The following GPC5 variants were observed in gnomAD, a reference collection of about 807,000 sequenced individuals.
GPC5 encodes the protein glypican 5.
A neutral mutation model predicts 53.9 loss-of-function variants in GPC5; 47 were observed. That is an observed-to-expected ratio of 0.87 (90% confidence interval 0.69 to 1.11). GPC5 has a LOEUF of 1.11. Ranked by LOEUF, GPC5 falls within the 50% of genes most tolerant of loss-of-function variation. The probability of loss-of-function intolerance (pLI) is 0.00; values close to 1 mark genes in which losing one functional copy is unlikely to be tolerated. For missense variants in GPC5, 748 were observed against 713.1 expected (o/e 1.05, Z -0.56); for synonymous variants, 286 against 263.3 (o/e 1.09, Z -0.84).
chr13:92,623,748 T>TA (rs539800146), intron 7 of GPC5, among the ~76,000 whole-genome samples: 2,651 of 148,784 alleles, frequency 0.018, 40 homozygotes, highest in Admixed American at 0.059. Context: ...GTTTTCAAAT[T>TA]AAAAAAAAAA....
At chr13:92,669,179 T>C (rs1933188) in intron 7 of GPC5, among the ~76,000 whole-genome samples, 99,773 of 151,998 alleles carry the variant, frequency 0.66, 33,009 homozygotes, top group South Asian at 0.74. Context: ...AGGGGTTTCA[T>C]TTCTGTATGT....
chr13:92,500,352 C>T (rs1880136380), intron 7 of GPC5, among the ~76,000 whole-genome samples: 1 of 152,080 alleles, frequency 6.6e-6, no homozygotes, highest in Non-Finnish European at 1.5e-5. Context: ...GTATTCAGCA[C>T]ACAATAAATG....
intron 2 of GPC5, among the ~76,000 whole-genome samples, chr13:91,602,801 C>A (rs2033221716): frequency 6.6e-6 from 1 of 152,056 alleles, no homozygotes; most frequent in African/African-American, 2.4e-5. Context: ...AGAAATCACC[C>A]TTTGTGATTA....
intron 7 of GPC5, among the ~76,000 whole-genome samples, chr13:92,212,062 T>C (rs1459460514): frequency 7.0e-6 from 1 of 142,506 alleles, no homozygotes; most frequent in Admixed American, 7.2e-5. Context: ...CCGCAGGTGG[T>C]AAGTGCCACA....
At chr13:92,756,336 T>A (rs1317575403) in intron 7 of GPC5, among the ~76,000 whole-genome samples, 2 of 151,524 alleles carry the variant, frequency 1.3e-5, no homozygotes, top group East Asian at 4.0e-4. Flanking sequence ...TATTTAAAAA[T>A]AATAAGAGCT....
chr13:92,343,136 A>G (rs1040032901), intron 7 of GPC5, among the ~76,000 whole-genome samples: 4 of 152,174 alleles, frequency 2.6e-5, no homozygotes, highest in Non-Finnish European at 4.4e-5. Context: ...TTATTTCTAA[A>G]TAACAAGATA....
intron 7 of GPC5, among the ~76,000 whole-genome samples, chr13:92,216,093 T>G (rs1434016001): frequency 6.6e-6 from 1 of 152,168 alleles, no homozygotes; most frequent in Admixed American, 6.5e-5. Context: ...AAAAACATCA[T>G]TCCTGAGATA....
chr13:92,001,434 T>C (rs184935488), intron 6 of GPC5, among the ~76,000 whole-genome samples: 81 of 152,310 alleles, frequency 5.3e-4, no homozygotes, highest in African/African-American at 1.8e-3. Flanking sequence ...GATTCCATTA[T>C]AAATTGAGCA....
At chr13:92,085,692 A>G (rs2041330155) in intron 6 of GPC5, among the ~76,000 whole-genome samples, 1 of 152,180 alleles carries the variant, frequency 6.6e-6, no homozygotes. Flanking sequence ...GTTTTCCTGC[A>G]ACTAGGTGTT....
chr13:92,081,818 G>T lies in GPC5; in HGVS notation c.1402-63012G>T, dbSNP rs578003770. 8.0e-4 allele frequency among the ~76,000 whole-genome samples: 122 copies of T among 152,210 alleles called. 1 individual carries two copies. The Middle Eastern group carries it at 0.031, about 38-fold the overall frequency. On this transcript the variant is annotated intron_variant, in intron 6 of 7. Transcript: ENST00000377067. ...GAAATTAACCCATTTTAACAAAATG[G>T]TTTTTGTGCATAGCAAAAGATTAAA...
intron 2 of GPC5, among the ~76,000 whole-genome samples, chr13:91,456,413 C>T (rs978310124): frequency 3.3e-5 from 5 of 151,594 alleles, no homozygotes; most frequent in Admixed American, 2.6e-4. Context: ...CAATTATTAG[C>T]TTCTTTTAAA....
intron 7 of GPC5, among the ~76,000 whole-genome samples, chr13:92,615,851 G>A (rs1884667427): frequency 6.6e-6 from 1 of 152,004 alleles, no homozygotes; most frequent in Non-Finnish European, 1.5e-5. Flanking sequence ...TCAGGAGATC[G>A]AGACCATCCT....
At chr13:92,076,050 C>T (rs2041249002) in intron 6 of GPC5, among the ~76,000 whole-genome samples, 1 of 150,366 alleles carries the variant, frequency 6.7e-6, no homozygotes, top group Non-Finnish European at 1.5e-5. Context: ...AACCATGTGT[C>T]TTAGAGAGGG....
intron 6 of GPC5, among the ~76,000 whole-genome samples, chr13:92,120,124 G>A (rs1421454382): frequency 1.3e-5 from 2 of 152,122 alleles, no homozygotes; most frequent in Non-Finnish European, 1.5e-5. Context: ...CTCATAAGAG[G>A]GAAGTACAAG....
At chr13:91,948,942 A>G (rs7321674) in intron 6 of GPC5, among the ~76,000 whole-genome samples, 95,108 of 151,910 alleles carry the variant, frequency 0.63, 30,514 homozygotes, top group African/African-American at 0.76. Flanking sequence ...ATGGTATGTC[A>G]GTGGTACAGC....
At chr13:92,210,870 G>T (rs1593999102) in intron 7 of GPC5, among the ~76,000 whole-genome samples, 1 of 152,210 alleles carries the variant, frequency 6.6e-6, no homozygotes, top group East Asian at 1.9e-4. Flanking sequence ...TGAGAAGAGG[G>T]CAATGAAATA....
At chr13:92,353,266 C>CAAAAAAAAAA (rs563794696) in intron 7 of GPC5, among the ~76,000 whole-genome samples, 7,113 of 65,244 alleles carry the variant, frequency 0.11, 540 homozygotes, top group Non-Finnish European at 0.13. Context: ...GACTCCGTCT[C>CAAAAAAAAAA]AAAAAAAAAA....
At chr13:91,527,075 A>C (rs1594210092) in intron 2 of GPC5, among the ~76,000 whole-genome samples, 1 of 152,194 alleles carries the variant, frequency 6.6e-6, no homozygotes, top group East Asian at 1.9e-4. Flanking sequence ...GCCCCTCCTA[A>C]ATTGCACATC....
chr13:91,956,487 G>A (rs1423775874), intron 6 of GPC5, among the ~76,000 whole-genome samples: 3 of 152,096 alleles, frequency 2.0e-5, no homozygotes, highest in Non-Finnish European at 4.4e-5. Context: ...CTGGCCCACA[G>A]CTGTCACTGT....
Sources: allele counts gnomAD v4.1 joint callset (sites outside exome capture counted in the v4.1 genomes callset), GRCh38; gene constraint gnomAD v4.1.1; transcripts MANE v1.5; gene names NCBI Gene and HGNC (gene_info 2026-07-23, HGNC 2026-07-21).